Variants in GMDS observed in about 807,000 individuals in gnomAD.
The protein encoded by GMDS is GDP-mannose 4,6 dehydratase.
In GMDS, 20 loss-of-function variants were observed where a neutral mutation model predicts 49.9. The ratio of observed to expected loss-of-function variants is 0.40; its 90% CI spans 0.28 to 0.58. GMDS has a LOEUF of 0.58. GMDS is among the 20% of genes least tolerant of loss of function. The pLI is 0.42. For missense variants in GMDS, 362 were observed against 481.4 expected, an observed-to-expected ratio of 0.75 and a Z score of 2.32; for synonymous variants, 177 against 178.6, an observed-to-expected ratio of 0.99 and a Z score of 0.07.
rs575481138 is a variant in GMDS at position 2,159,191 on chromosome 6, C to T, written c.103-34460G>A. ...AAGTTATTTTTAAAAATTCCTTCTACGTATAGTTGACCCTTGAACAATGTG... is the reference window on the plus strand; with the variant it reads ...AAGTTATTTTTAAAAATTCCTTCTATGTATAGTTGACCCTTGAACAATGTG... On this transcript the variant is annotated intron_variant, in intron 1 of 10. Transcript: ENST00000380815. Among the ~76,000 whole-genome samples the T allele has an allele frequency of 4.6e-5, 7 of 152,226 alleles. No homozygotes were observed. In the East Asian group the frequency reaches 9.6e-4, roughly 21 times the overall value.
intron 4 of GMDS, among the ~76,000 whole-genome samples, chr6:1,980,008 T>A (rs1012051727): frequency 3.3e-5 from 5 of 152,154 alleles, no homozygotes; most frequent in Non-Finnish European, 7.3e-5. Flanking sequence ...AGAAAATTGG[T>A]CACCACCAGA....
At chr6:2,223,494 G>T (rs1581820922) in intron 1 of GMDS, among the ~76,000 whole-genome samples, 1 of 151,848 alleles carries the variant, frequency 6.6e-6, no homozygotes, top group Non-Finnish European at 1.5e-5. Flanking sequence ...GGAAGCAGAA[G>T]ACCAGGTAGG....
intron 4 of GMDS, among the ~76,000 whole-genome samples, chr6:1,997,318 G>A (rs2127373850): frequency 6.6e-6 from 1 of 152,010 alleles, no homozygotes; most frequent in South Asian, 2.1e-4. Context: ...AACCATCCTG[G>A]CCAACATGGT....
intron 7 of GMDS, among the ~76,000 whole-genome samples, chr6:1,922,023 C>T (rs923999178): frequency 2.6e-5 from 4 of 152,156 alleles, no homozygotes; most frequent in African/African-American, 7.2e-5. Flanking sequence ...ACACCTTAGG[C>T]TCCTAAGTAA....
At chr6:1,938,983 CT>C (rs1762681861) in intron 6 of GMDS, among the ~76,000 whole-genome samples, 1 of 140,622 alleles carries the variant, frequency 7.1e-6, no homozygotes, top group Admixed American at 7.0e-5. Context: ...CCCTCCCCTC[CT>C]CTCTCCTCTC....
chr6:1,768,362 A>G (rs572708056), intron 7 of GMDS, among the ~76,000 whole-genome samples: 1 of 152,376 alleles, frequency 6.6e-6, no homozygotes, highest in African/African-American at 2.4e-5. Context: ...TGATGATTTC[A>G]GCATTTGCTT....
At chr6:1,938,888 C>T (rs933272814) in intron 6 of GMDS, among the ~76,000 whole-genome samples, 9 of 151,660 alleles carry the variant, frequency 5.9e-5, no homozygotes, top group African/African-American at 2.2e-4. Flanking sequence ...ATCTAATTGT[C>T]CTTCAGCAAT....
chr6:2,231,315 T>TA (rs1259975765), intron 1 of GMDS, among the ~76,000 whole-genome samples: 1 of 152,080 alleles, frequency 6.6e-6, no homozygotes, highest in Non-Finnish European at 1.5e-5. Context: ...CCCAGCAGTT[T>TA]AGGAGGCCTG....
At chr6:2,040,032 T>C (rs1769571505) in intron 4 of GMDS, among the ~76,000 whole-genome samples, 2 of 152,328 alleles carry the variant, frequency 1.3e-5, no homozygotes, top group South Asian at 2.1e-4. Flanking sequence ...CACTAGGTGA[T>C]AGAAACTTTT....
At chr6:2,067,157 A>C (rs1771657437) in intron 4 of GMDS, among the ~76,000 whole-genome samples, 1 of 151,510 alleles carries the variant, frequency 6.6e-6, no homozygotes, top group Admixed American at 6.6e-5. Context: ...CCTGCTCCTG[A>C]ATGACTACTG....
At chr6:2,010,961 T>C (rs931740128) in intron 4 of GMDS, among the ~76,000 whole-genome samples, 2 of 152,104 alleles carry the variant, frequency 1.3e-5, no homozygotes, top group East Asian at 3.8e-4. Context: ...TTACAAAATC[T>C]AGAGAAATTA....
At chr6:1,851,616 TATAA>T (rs544293533) in intron 7 of GMDS, among the ~76,000 whole-genome samples, 9 of 152,294 alleles carry the variant, frequency 5.9e-5, no homozygotes, top group Admixed American at 3.3e-4. Flanking sequence ...TTTGCGGGGC[TATAA>T]ATGTGGGCCA....
chr6:2,065,883 A>C (rs1771551281), intron 4 of GMDS, among the ~76,000 whole-genome samples: 2 of 152,232 alleles, frequency 1.3e-5, no homozygotes, highest in Admixed American at 1.3e-4. Flanking sequence ...CCAATCTAGC[A>C]AGGCAGGCCA....
intron 4 of GMDS, among the ~76,000 whole-genome samples, chr6:2,084,506 CTTT>C (rs916770951): frequency 6.6e-6 from 1 of 151,112 alleles, no homozygotes; most frequent in Non-Finnish European, 1.5e-5. Context: ...AAATAAAACT[CTTT>C]TTTTTTCTTT....
intron 4 of GMDS, among the ~76,000 whole-genome samples, chr6:2,034,756 C>A (rs934023185): frequency 6.6e-6 from 1 of 152,144 alleles, no homozygotes. Flanking sequence ...ACATCATTTG[C>A]CTTTTTTGTT....
At chr6:2,134,929 GT>G (rs1297434043) in intron 1 of GMDS, among the ~76,000 whole-genome samples, 3 of 152,100 alleles carry the variant, frequency 2.0e-5, no homozygotes, top group Non-Finnish European at 4.4e-5. Context: ...CTCTTTAGAT[GT>G]TTTTTCCCAT....
chr6:2,220,817 G>A (rs919626791), intron 1 of GMDS, among the ~76,000 whole-genome samples: 1 of 152,026 alleles, frequency 6.6e-6, no homozygotes, highest in Non-Finnish European at 1.5e-5. Flanking sequence ...CTTCAGATAA[G>A]GGATACTCAA....
At chr6:1,975,567 T>TA (rs1764852953) in intron 4 of GMDS, among the ~76,000 whole-genome samples, 2 of 152,202 alleles carry the variant, frequency 1.3e-5, no homozygotes, top group Admixed American at 6.5e-5. Flanking sequence ...TATTCTTACT[T>TA]AATGTTTTAA....
In GMDS at chr6:2,132,664, T is replaced by C. The variant is rs1269197224; in HGVS notation, c.103-7933A>G. ...ACTACCACACTGACCTCTTCTATAC[T>C]GGATGGCACAGTGCCCTGGAAAAAT... On this transcript the variant is annotated intron_variant, in intron 1 of 10. Transcript: ENST00000380815. Among the ~76,000 whole-genome samples, 6 of 152,192 alleles carry C rather than the reference T, an allele frequency of 3.9e-5. 1 individual carries two copies. Among genetic ancestry groups the C allele is most frequent in the Non-Finnish European group, 1.5e-5 (1 of 68,026 alleles).
Sources: allele counts gnomAD v4.1 joint callset (sites outside exome capture counted in the v4.1 genomes callset), GRCh38; gene constraint gnomAD v4.1.1; transcripts MANE v1.5; gene names NCBI Gene and HGNC (gene_info 2026-07-23, HGNC 2026-07-21).